Variants in ANGPT2 observed in about 807,000 individuals in gnomAD.
The protein encoded by ANGPT2 is angiopoietin 2.
A neutral mutation model predicts 62.9 loss-of-function variants in ANGPT2; 28 were observed. The observed-to-expected ratio is 0.44, with a 90% CI of 0.33 to 0.61. The LOEUF is 0.61. ANGPT2 is among the 20% of genes least tolerant of loss of function. The probability of loss-of-function intolerance (pLI) is 0.03; values close to 1 mark genes in which losing one functional copy is unlikely to be tolerated. For missense variants in ANGPT2, 727 were observed against 594.9 expected (o/e 1.22, Z -2.31); for synonymous variants, 284 against 207.8 (o/e 1.37, Z -3.15).
At chr8:6,561,989 A>C (rs897519904) in intron 1 of ANGPT2, among the ~76,000 whole-genome samples, 1 of 152,144 alleles carries the variant, frequency 6.6e-6, no homozygotes, top group Non-Finnish European at 1.5e-5. Context: ...GCTGGAACTG[A>C]CGGGGGCTGC....
At chr8:6,542,038 A>G (rs887919926) in intron 1 of ANGPT2, among the ~76,000 whole-genome samples, 3 of 152,038 alleles carry the variant, frequency 2.0e-5, no homozygotes, top group African/African-American at 4.8e-5. Context: ...ACTGAATGAT[A>G]AATGATTACA....
rs1404986192 is a variant in ANGPT2, at chr8:6,520,997, A to G, written c.799+181T>C. Reference sequence around the variant, plus strand: ...AAAGTATGCTTGGGGTGTTTGCTTCATAATAATTAGTATAACATATATTTC... The same window carrying G: ...AAAGTATGCTTGGGGTGTTTGCTTCGTAATAATTAGTATAACATATATTTC... On this transcript the variant is annotated intron_variant, in intron 4 of 8. Transcript: ENST00000629816. 2.0e-5 allele frequency among the ~76,000 whole-genome samples: 3 copies of G among 152,176 alleles called. No homozygotes were observed. In the East Asian group the frequency reaches 5.8e-4, roughly 29 times the overall value.
chr8:6,542,291 GGTGT>G (rs59101845), intron 1 of ANGPT2, among the ~76,000 whole-genome samples: 9 of 150,026 alleles, frequency 6.0e-5, no homozygotes, highest in East Asian at 3.9e-4. Flanking sequence ...GTGAGGTAGG[GGTGT>G]GTGTGTGTGT....
intron 3 of ANGPT2, among the ~76,000 whole-genome samples, chr8:6,526,114 A>T (rs1406757868): frequency 1.3e-5 from 2 of 152,104 alleles, no homozygotes; most frequent in Non-Finnish European, 2.9e-5. Context: ...AACATTACTA[A>T]GTAAGACTAT....
At chr8:6,524,698 T>C (rs974993923) in intron 3 of ANGPT2, among the ~76,000 whole-genome samples, 4 of 152,170 alleles carry the variant, frequency 2.6e-5, no homozygotes, top group Non-Finnish European at 5.9e-5. Context: ...GTTTTGATGG[T>C]CTTCACATCA....
intron 1 of ANGPT2, among the ~76,000 whole-genome samples, chr8:6,532,719 G>A (rs1355396756): frequency 2.0e-5 from 3 of 151,996 alleles, no homozygotes; most frequent in Non-Finnish European, 4.4e-5. Flanking sequence ...TGTAAAGGAG[G>A]GAGACAAGCT....
chr8:6,541,385 G>A (rs1821540344), intron 1 of ANGPT2, among the ~76,000 whole-genome samples: 1 of 152,160 alleles, frequency 6.6e-6, no homozygotes, highest in African/African-American at 2.4e-5. Context: ...TGTATTTATA[G>A]CCCCCAGTCA....
chr8:6,520,550 C>T (rs536719847), intron 4 of ANGPT2, among the ~76,000 whole-genome samples: 2 of 152,112 alleles, frequency 1.3e-5, no homozygotes, highest in Non-Finnish European at 2.9e-5. Context: ...TGCCCACCAC[C>T]AAGCCCAGCT....
At chr8:6,532,695 A>T (rs1049521676) in intron 1 of ANGPT2, among the ~76,000 whole-genome samples, 2 of 152,152 alleles carry the variant, frequency 1.3e-5, no homozygotes, top group Admixed American at 6.5e-5. Context: ...AAATCTGGCA[A>T]CTTAGTCACA....
Position 6,505,286 on chromosome 8 carries a change from GT to G in ANGPT2, c.1328-2026del, listed in dbSNP as rs1563305586. Among the ~76,000 whole-genome samples the G allele has an allele frequency of 0.017, 506 of 30,168 alleles. 58 individuals are homozygous for G. In the South Asian group the frequency reaches 0.18, roughly 10 times the overall value. The allele number at this position is 30,168 out of a possible 152,430, so 19.8% of individuals were successfully genotyped here. A position where few individuals can be genotyped will look rare whatever the true frequency, so the allele number is the denominator to read the frequency against. On this transcript the variant is annotated intron_variant, in intron 8 of 8. Transcript: ENST00000629816. ...TTTATATATATGTATACATATATATGTTATATACATATATATGTATATAACA... is the reference window on the plus strand; with the variant it reads ...TTTATATATATGTATACATATATATGTATATACATATATATGTATATAACA...
chr8:6,552,306 C>A (rs1296427407), intron 1 of ANGPT2, among the ~76,000 whole-genome samples: 1 of 152,144 alleles, frequency 6.6e-6, no homozygotes, highest in Non-Finnish European at 1.5e-5. Context: ...GGAATGTGGC[C>A]ATATTCACGC....
At chr8:6,503,965 A>G (rs940645921) in intron 8 of ANGPT2, among the ~76,000 whole-genome samples, 4 of 152,190 alleles carry the variant, frequency 2.6e-5, no homozygotes, top group Non-Finnish European at 5.9e-5. Flanking sequence ...TGCTTTCTGC[A>G]CTTTCAGATA....
At chr8:6,537,201 C>T (rs912517251) in intron 1 of ANGPT2, among the ~76,000 whole-genome samples, 3 of 152,092 alleles carry the variant, frequency 2.0e-5, no homozygotes, top group African/African-American at 4.8e-5. Flanking sequence ...TGTTTGCCAT[C>T]GCCTTCATAT....
At chr8:6,514,881 G>T in intron 5 of ANGPT2, 103 bp from the exon 6 acceptor site, 3 of 941,892 alleles carry the variant, frequency 3.2e-6, no homozygotes, top group African/African-American at 3.2e-5. Flanking sequence ...ACTCAGCCGA[G>T]AGGGTTCTCT....
intron 8 of ANGPT2, among the ~76,000 whole-genome samples, chr8:6,504,588 G>A (rs1348243919): frequency 6.6e-6 from 1 of 152,106 alleles, no homozygotes; most frequent in Non-Finnish European, 1.5e-5. Flanking sequence ...GATGATGCTG[G>A]CAATTCAGAT....
At chr8:6,523,331 A>T (rs771082533) in intron 3 of ANGPT2, among the ~76,000 whole-genome samples, 1 of 152,128 alleles carries the variant, frequency 6.6e-6, no homozygotes, top group East Asian at 1.9e-4. Flanking sequence ...GAGAGCTGGT[A>T]AAATTATGCC....
At chr8:6,559,611 T>A (rs1825203552) in intron 1 of ANGPT2, among the ~76,000 whole-genome samples, 1 of 152,196 alleles carries the variant, frequency 6.6e-6, no homozygotes, top group African/African-American at 2.4e-5. Context: ...ACTGCAGTTG[T>A]TTATAGGTAT....
chr8:6,529,285 A>T (rs916283075), intron 2 of ANGPT2, among the ~76,000 whole-genome samples: 1 of 152,088 alleles, frequency 6.6e-6, no homozygotes, highest in African/African-American at 2.4e-5. Flanking sequence ...GCTCAATTTG[A>T]TCGTCTCTCA....
chr8:6,542,208 G>C (rs557003989), intron 1 of ANGPT2, among the ~76,000 whole-genome samples: 1 of 152,198 alleles, frequency 6.6e-6, no homozygotes, highest in Non-Finnish European at 1.5e-5. Context: ...AAATGTCTCA[G>C]TGTTTTTCTA....
Sources: gnomAD v4.1 joint callset for allele counts (sites outside exome capture counted in the v4.1 genomes callset) on GRCh38, gnomAD v4.1.1 for gene constraint, MANE v1.5 for transcripts, NCBI Gene and HGNC (gene_info 2026-07-23, HGNC 2026-07-21) for gene names.